The following CBX7 variants were observed in gnomAD, a reference collection of about 807,000 sequenced individuals.
The protein encoded by CBX7 is chromobox protein homolog 7.
A neutral mutation model predicts 31.4 loss-of-function variants in CBX7; 14 were observed. That is an observed-to-expected ratio of 0.45 (90% CI 0.29 to 0.70). The LOEUF is 0.70. Among genes scored for constraint, CBX7 ranks in the 30% least tolerant of loss-of-function variants. CBX7 has a pLI of 0.11. For synonymous variants in CBX7, 159 were observed against 152.6 expected (o/e 1.04, Z -0.31); for missense variants, 269 against 351.9 (o/e 0.76, Z 1.89).
chr22:39,135,792 T>A (rs1191117546), intron 4 of CBX7: 1 of 152,244 alleles, frequency 6.6e-6, no homozygotes, highest in Non-Finnish European at 1.5e-5. Flanking sequence ...TCACAGGCCA[T>A]CAGAAGCCTA....
rs147104497 is a variant in CBX7 at position 39,149,824 on chromosome 22, G to A, written c.78C>T (p.Val26=). 3 of 1,613,730 alleles carry A rather than the reference G, an allele frequency of 1.9e-6. No homozygotes were observed. The highest frequency in any genetic ancestry group is 2.5e-6 in the Non-Finnish European group (3 of 1,179,778). The change falls in exon 2 of 6, where the codon GTC becomes GTT. Residue 26 remains valine, a synonymous_variant. Transcript: ENST00000216133. Reference sequence around the variant, plus strand: ...ATCCTTTCCACTTCACCAGATACTCGACTTTACCCTGAGAAGAGAGAGAAG... The same window carrying A: ...ATCCTTTCCACTTCACCAGATACTCAACTTTACCCTGAGAAGAGAGAGAAG... ...IRKKRVRKGK[V]EYLVKWKGWP... is the part of the protein sequence containing the mutation.
At chr22:39,150,590 C>T (rs894956564) in intron 1 of CBX7, among the ~76,000 whole-genome samples, 1 of 152,208 alleles carries the variant, frequency 6.6e-6, no homozygotes, top group East Asian at 1.9e-4. Flanking sequence ...CTGGGCAACA[C>T]GGTGAGACCC....
chr22:39,138,931 A>G (rs1569107855), intron 3 of CBX7, among the ~76,000 whole-genome samples: 1 of 152,160 alleles, frequency 6.6e-6, no homozygotes, highest in African/African-American at 2.4e-5. Context: ...GCAACTGCTG[A>G]GGGGGGACTT....
At chr22:39,143,400 CTAAG>C (rs1930529592) in intron 2 of CBX7, among the ~76,000 whole-genome samples, 1 of 151,634 alleles carries the variant, frequency 6.6e-6, no homozygotes, top group South Asian at 2.1e-4. Context: ...ATGTTTTAAG[CTAAG>C]TGTTACTACA....
chr22:39,146,445 A>T (rs578227817), intron 2 of CBX7, among the ~76,000 whole-genome samples: 1 of 152,312 alleles, frequency 6.6e-6, no homozygotes, highest in African/African-American at 2.4e-5. Flanking sequence ...AGGTGGGGAA[A>T]GTGAGGCACA....
chr22:39,134,984 C>G (rs992894883), intron 4 of CBX7: 2 of 502,312 alleles, frequency 4.0e-6, no homozygotes, highest in Non-Finnish European at 7.0e-6. Context: ...ACAGAGCACT[C>G]GCGTCCCAGC....
intron 4 of CBX7, among the ~76,000 whole-genome samples, chr22:39,137,122 A>C (rs1930281637): frequency 6.6e-6 from 1 of 152,120 alleles, no homozygotes; most frequent in Non-Finnish European, 1.5e-5. Flanking sequence ...ACAACCACAC[A>C]CAGGCAGAGC....
At chr22:39,135,512 C>CACCTGCTACCTGCT (rs140955502) in intron 4 of CBX7, 1 of 151,918 alleles carries the variant, frequency 6.6e-6, no homozygotes, top group Non-Finnish European at 1.5e-5. Flanking sequence ...CTTCTCCTGC[C>CACCTGCTACCTGCT]ACCTGCTACC....
At position 39,152,009 on chromosome 22, in the gene CBX7, G is replaced by A. The variant is rs979848641; in HGVS notation, c.69+367C>T. ...TTTGGTGCCAAGCGTCCAGAGTCCC[G>A]AGTTCAAAACCCAGCTCTGACCATA... On this transcript the variant is annotated intron_variant, in intron 1 of 5. Coordinates refer to ENST00000216133, the MANE Select transcript of CBX7 (RefSeq NM_175709.5). This position sits in a 1 kb window ranked among gnomAD's most constrained non-coding sequence, Gnocchi z 4.9. Among the ~76,000 whole-genome samples, 1 of 152,164 alleles carries A rather than the reference G, an allele frequency of 6.6e-6. No individual in the cohort carries two copies. The highest frequency in any genetic ancestry group is 1.5e-5 in the Non-Finnish European group (1 of 68,030).
Position 39,152,260 on chromosome 22 carries a change from G to A in CBX7, c.69+116C>T. On this transcript the variant is annotated intron_variant, in intron 1 of 5. Transcript: ENST00000216133. This position sits in a 1 kb window ranked among gnomAD's most constrained non-coding sequence, Gnocchi z 4.9. ...CTGGGGAGACGGGCCCAGCAGCGCA[G>A]GGCTGCCGGGGCCCCCGCGCCCCGC... 3 of 454,314 alleles carry A rather than the reference G, an allele frequency of 6.6e-6. No individual in the cohort carries two copies. Among genetic ancestry groups the A allele is most frequent in the Non-Finnish European group, 9.9e-6 (3 of 302,784 alleles). 28.1% of individuals were successfully genotyped at this position (454,314 alleles called of 1,614,324 possible).
At chr22:39,137,375 T>G (rs1930292037) in intron 4 of CBX7, among the ~76,000 whole-genome samples, 1 of 151,606 alleles carries the variant, frequency 6.6e-6, no homozygotes, top group African/African-American at 2.4e-5. Context: ...GGGGACGGAG[T>G]TTCACTCTTA....
intron 4 of CBX7, 112 bp downstream of exon 4, chr22:39,138,524 C>G: frequency 2.0e-6 from 2 of 999,754 alleles, no homozygotes; most frequent in Non-Finnish European, 1.6e-6. Flanking sequence ...CTGGGTGGTA[C>G]AGGCGAGGGG....
At chr22:39,137,300 A>T (rs1334062266) in intron 4 of CBX7, among the ~76,000 whole-genome samples, 2 of 124,030 alleles carry the variant, frequency 1.6e-5, no homozygotes, top group Non-Finnish European at 3.1e-5. Flanking sequence ...GGTGCTCAAA[A>T]TGTTTTGGAT....
chr22:39,135,738 C>T (rs1930230467), intron 4 of CBX7: 1 of 152,280 alleles, frequency 6.6e-6, no homozygotes, highest in South Asian at 2.1e-4. Flanking sequence ...CTGGGAGGCA[C>T]ATCTGGTAGG....
intron 3 of CBX7, among the ~76,000 whole-genome samples, chr22:39,140,670 G>A (rs1184139578): frequency 6.6e-6 from 1 of 152,236 alleles, no homozygotes; most frequent in Non-Finnish European, 1.5e-5. Context: ...TTTGTGAAAT[G>A]GTCCCAAGCC....
chr22:39,151,160 T>C (rs1421872327), intron 1 of CBX7, among the ~76,000 whole-genome samples: 1 of 152,236 alleles, frequency 6.6e-6, no homozygotes, highest in East Asian at 1.9e-4. Flanking sequence ...CTGTGCCTGC[T>C]TCAGGCTACA....
chr22:39,142,536 T>C (rs1041815472), intron 2 of CBX7, among the ~76,000 whole-genome samples: 2 of 152,216 alleles, frequency 1.3e-5, no homozygotes, highest in African/African-American at 4.8e-5. Context: ...GCAGACCCTG[T>C]GATGTCAGCG....
rs554109244 is a variant in CBX7, at chr22:39,138,575, G to A, written c.246+61C>T. On this transcript the variant is annotated intron_variant, in intron 4 of 5. Coordinates refer to ENST00000216133, the MANE Select transcript of CBX7 (RefSeq NM_175709.5). ...ATCAGCCAGTGCAAATGCACCAAGGGGCAGAGGGGGACTTGGGGTTGGGCA... is the reference window on the plus strand; with the variant it reads ...ATCAGCCAGTGCAAATGCACCAAGGAGCAGAGGGGGACTTGGGGTTGGGCA... 5 of 1,475,258 alleles carry A rather than the reference G, an allele frequency of 3.4e-6. No homozygotes were observed. In the Middle Eastern group the frequency reaches 5.2e-4, roughly 153 times the overall value. 91.4% of individuals were successfully genotyped at this position (1,475,258 alleles called of 1,614,324 possible).
At chr22:39,139,141 T>A (rs761512134) in intron 3 of CBX7, among the ~76,000 whole-genome samples, 11 of 152,162 alleles carry the variant, frequency 7.2e-5, no homozygotes, top group Admixed American at 1.3e-4. Flanking sequence ...CAAGTAAAGC[T>A]CTGCACAGAC....
Sources: allele counts gnomAD v4.1 joint callset (sites outside exome capture counted in the v4.1 genomes callset), GRCh38; gene constraint gnomAD v4.1.1; non-coding constraint Gnocchi (gnomAD v3.1); transcripts MANE v1.5; gene names NCBI Gene and HGNC (gene_info 2026-07-23, HGNC 2026-07-21).